Variants in DAAM2 observed in about 807,000 individuals in gnomAD.
The protein encoded by DAAM2 is disheveled-associated activator of morphogenesis 2.
A neutral mutation model predicts 120.7 loss-of-function variants in DAAM2; 39 were observed. That is an observed-to-expected ratio of 0.32 (90% CI 0.25 to 0.42). DAAM2 has a LOEUF of 0.42. Among genes scored for constraint, DAAM2 ranks in the 10% least tolerant of loss-of-function variants. DAAM2 has a pLI of 1.00. For synonymous variants in DAAM2, 488 were observed against 524.9 expected, an observed-to-expected ratio of 0.93 and a Z score of 0.96; for missense variants, 1,283 against 1,401.7, an observed-to-expected ratio of 0.92 and a Z score of 1.35.
At chr6:39,879,549 C>T (rs1338347314) in intron 14 of DAAM2, 72 bp downstream of exon 14, 1 of 1,591,906 alleles carries the variant, frequency 6.3e-7, no homozygotes, top group African/African-American at 1.3e-5. Context: ...GACCACCCGC[C>T]CCTTGTTTAC....
chr6:39,840,085 G>A (rs1284809565), intron 1 of DAAM2, among the ~76,000 whole-genome samples: 1 of 152,158 alleles, frequency 6.6e-6, no homozygotes, highest in Non-Finnish European at 1.5e-5. Context: ...ACATTAGCCA[G>A]GTGTGATGGT....
rs781163021 is a variant in DAAM2 at position 39,901,790 on chromosome 6, T to C, written c.2983-23T>C. 22 of 1,507,802 alleles carry C rather than the reference T, an allele frequency of 1.5e-5. No individual in the cohort carries two copies. The highest frequency in any genetic ancestry group is 1.9e-5 in the Non-Finnish European group (21 of 1,131,142). 93.4% of individuals were successfully genotyped at this position (1,507,802 alleles called of 1,614,324 possible). A position where few individuals can be genotyped will look rare whatever the true frequency, so the allele number is the denominator to read the frequency against. ...CAGCGCCTCTCCCTGAGAGGGTTCC[T>C]ATCTTTGGCCCCCCGCCCGCAGCTG... On this transcript the variant is annotated intron_variant, in intron 24 of 24. Transcript: ENST00000274867. The surrounding 1 kb of genome is among the most constrained non-coding windows in gnomAD (Gnocchi z 4.5).
intron 1 of DAAM2, among the ~76,000 whole-genome samples, chr6:39,844,743 G>T (rs1437973953): frequency 2.0e-5 from 3 of 152,072 alleles, no homozygotes; most frequent in Admixed American, 2.0e-4. Context: ...TGGCACGGGG[G>T]CTGATTTCCA....
intron 5 of DAAM2, 58 bp downstream of exon 5, chr6:39,865,132 C>T: frequency 9.6e-7 from 1 of 1,039,590 alleles, no homozygotes; most frequent in Non-Finnish European, 1.5e-6. Context: ...GGTCTCCTTG[C>T]CTTCCCGAAG....
intron 1 of DAAM2, among the ~76,000 whole-genome samples, chr6:39,817,144 G>C (rs1266554782): frequency 6.6e-6 from 1 of 152,168 alleles, no homozygotes; most frequent in African/African-American, 2.4e-5. Flanking sequence ...AGACTCCCAG[G>C]ATCCCAACAT....
chr6:39,860,799 G>C (rs1187497409), intron 2 of DAAM2, 129 bp from the exon 3 acceptor site: 1 of 753,730 alleles, frequency 1.3e-6, no homozygotes, highest in Non-Finnish European at 2.2e-6. Flanking sequence ...TATCTTTGAT[G>C]CTCTTCGGGA....
At chr6:39,825,734 C>T (rs1204463245) in intron 1 of DAAM2, among the ~76,000 whole-genome samples, 1 of 152,162 alleles carries the variant, frequency 6.6e-6, no homozygotes, top group African/African-American at 2.4e-5. Context: ...ACTGAGTGTA[C>T]TGAGTGTACT....
Position 39,903,698 on chromosome 6 carries a change from T to TCGGTGG in DAAM2, c.*1661_*1662insCGGTGG. On this transcript the variant is annotated 3_prime_UTR_variant, in exon 25 of 25. Transcript: ENST00000274867. ...CTGGGCCTACTCTCAGCTGCCTATCTTCTGCCTTTCACTTGCATCCAACTC... is the reference window on the plus strand; with the variant it reads ...CTGGGCCTACTCTCAGCTGCCTATCTCGGTGGTCTGCCTTTCACTTGCATCCAACTC... 2 of 166,068 alleles carry TCGGTGG rather than the reference T, an allele frequency of 1.2e-5. No homozygotes were observed. Among genetic ancestry groups the TCGGTGG allele is most frequent in the Admixed American group, 5.7e-5 (1 of 17,684 alleles). 10.3% of individuals were successfully genotyped at this position (166,068 alleles called of 1,614,324 possible).
chr6:39,851,305 A>G (rs1437467656), intron 1 of DAAM2, among the ~76,000 whole-genome samples: 1 of 152,192 alleles, frequency 6.6e-6, no homozygotes, highest in Non-Finnish European at 1.5e-5. Context: ...TATGTCCCTA[A>G]CTAGCTATGT....
In DAAM2 at chr6:39,871,572, G is replaced by C; in HGVS notation, c.1044G>C (p.Met348Ile). 1 of 1,550,240 alleles carries C rather than the reference G, an allele frequency of 6.5e-7. No homozygotes were observed. The highest frequency in any genetic ancestry group is 8.7e-7 in the Non-Finnish European group (1 of 1,146,894). ...DDLELARRFDMVHIDTKSASQ... is the reference protein window; with the variant it reads ...DDLELARRFDIVHIDTKSASQ... ...TGGAGCTAGCCAGGAGGTTTGACAT[G>C]GTGAGGAGCCAGCAGGGTGGAGCGA... is the stretch of plus-strand genomic sequence containing the variant. The change falls in exon 9 of 25, where the codon ATG (methionine) becomes ATC (isoleucine). Residue 348 changes from methionine to isoleucine, a missense_variant and splice_region_variant. This residue lies in a region of DAAM2 where 338 missense variants were observed against 443.9 expected (regional missense o/e 0.76). Coordinates refer to ENST00000274867, the MANE Select transcript of DAAM2 (RefSeq NM_001201427.2).
rs1764735322 is a variant in DAAM2 at position 39,873,240 on chromosome 6, C to T, written c.1047C>T (p.Val349=). ...CACTGTGCCCTCTTCTCTCCCAGGTCCACATCGACACCAAGAGTGCTTCCC... is the reference window on the plus strand; with the variant it reads ...CACTGTGCCCTCTTCTCTCCCAGGTTCACATCGACACCAAGAGTGCTTCCC... ...DLELARRFDM[V]HIDTKSASQM... Residue 349 remains valine (V), a splice_region_variant and synonymous_variant, in exon 10 of 25, where the codon GTC becomes GTT. Transcript: ENST00000274867. The T allele has an allele frequency of 6.2e-7, 1 of 1,607,418 alleles. No individual in the cohort carries two copies. The highest frequency in any genetic ancestry group is 1.3e-5 in the African/African-American group (1 of 74,804).
At chr6:39,884,363 A>C (rs930455793) in intron 15 of DAAM2, 4 of 288,508 alleles carry the variant, frequency 1.4e-5, no homozygotes, top group Non-Finnish European at 2.6e-5. Flanking sequence ...CAAGTATTGA[A>C]ATGGTGTTTT....
At chr6:39,816,422 A>G (rs1471419259) in intron 1 of DAAM2, among the ~76,000 whole-genome samples, 1 of 152,144 alleles carries the variant, frequency 6.6e-6, no homozygotes, top group Non-Finnish European at 1.5e-5. Context: ...TGGGGGGGCT[A>G]TCTTTTGTAT....
intron 6 of DAAM2, chr6:39,868,511 T>A: frequency 3.0e-6 from 1 of 334,318 alleles, no homozygotes; most frequent in Non-Finnish European, 5.5e-6. Context: ...AGGCAGGGAA[T>A]ACATATGAGC....
At chr6:39,869,020 G>T in intron 7 of DAAM2, 87 bp downstream of exon 7, 1 of 1,026,140 alleles carries the variant, frequency 9.7e-7, no homozygotes. Context: ...CCCAATAATT[G>T]TTTTTGCTAT....
At chr6:39,865,266 C>T (rs764684468) in intron 5 of DAAM2, among the ~76,000 whole-genome samples, 192 bp downstream of exon 5, 40 of 152,284 alleles carry the variant, frequency 2.6e-4, no homozygotes, top group Non-Finnish European at 4.3e-4. Context: ...GGAGAGAAAC[C>T]TGGGAAAGTG....
At chr6:39,824,161 G>A (rs765852952) in intron 1 of DAAM2, among the ~76,000 whole-genome samples, 7 of 152,126 alleles carry the variant, frequency 4.6e-5, no homozygotes, top group East Asian at 1.9e-4. Flanking sequence ...CTCCTCAAGC[G>A]CAGGAGTCAA....
intron 1 of DAAM2, among the ~76,000 whole-genome samples, chr6:39,855,556 C>T (rs1462353375): frequency 2.0e-5 from 3 of 152,164 alleles, no homozygotes; most frequent in African/African-American, 7.2e-5. Context: ...CGCTCTGACT[C>T]CCCTGGGTAA....
intron 1 of DAAM2, among the ~76,000 whole-genome samples, chr6:39,815,936 TG>T (rs1762296678): frequency 6.6e-6 from 1 of 152,234 alleles, no homozygotes; most frequent in African/African-American, 2.4e-5. Context: ...TCCTCAACTT[TG>T]CTCCTCAGTT....
Sources: allele counts gnomAD v4.1 joint callset (sites outside exome capture counted in the v4.1 genomes callset), GRCh38; gene constraint gnomAD v4.1.1; regional missense constraint gnomAD v4.1.1; non-coding constraint Gnocchi (gnomAD v3.1); transcripts MANE v1.5; gene names NCBI Gene and HGNC (gene_info 2026-07-23, HGNC 2026-07-21).